BAD: variants seen among roughly 807,000 people sequenced by gnomAD.
BAD encodes the protein bcl2-associated agonist of cell death.
BAD carries 18 observed loss-of-function variants against 17.8 expected under a neutral mutation model. That is an observed-to-expected ratio of 1.01 (90% CI 0.70 to 1.50). The LOEUF (loss-of-function observed/expected upper bound fraction) is 1.50. BAD is among the 40% of genes most tolerant of loss of function. The pLI is 0.00. For missense variants in BAD, 294 were observed against 239.3 expected, an observed-to-expected ratio of 1.23 and a Z score of -1.51; for synonymous variants, 112 against 91.5, an observed-to-expected ratio of 1.22 and a Z score of -1.28.
intron 2 of BAD, chr11:64,277,038 T>C (rs1190695934): frequency 2.8e-6 from 2 of 713,890 alleles, no homozygotes; most frequent in African/African-American, 3.5e-5. Context: ...GAATACGAAG[T>C]TCTCCCTGTT....
chr11:64,272,788 GTGA>G (rs1401234344), intron 2 of BAD: 1 of 152,316 alleles, frequency 6.6e-6, no homozygotes, highest in African/African-American at 2.4e-5. Context: ...CCAGAGTCCA[GTGA>G]TGATCAGCGG....
chr11:64,271,937 C>G lies in BAD; in HGVS notation c.188-134G>C, dbSNP rs1427986865. On this transcript the variant is annotated intron_variant, in intron 2 of 3. Transcript: ENST00000309032. ...CAGGGGCGCATCACAGCCCACCTCT[C>G]AGAGCCCCAGTCCCTTGTATGTGAA... is the stretch of plus-strand genomic sequence containing the variant. 5 of 597,188 alleles carry G rather than the reference C, an allele frequency of 8.4e-6. No individual in the cohort carries two copies. In the East Asian group the frequency reaches 1.4e-4, roughly 17 times the overall value. The allele number at this position is 597,188 out of a possible 1,614,324, so 37.0% of individuals were successfully genotyped here. A position where few individuals can be genotyped will look rare whatever the true frequency, so the allele number is the denominator to read the frequency against.
intron 2 of BAD, among the ~76,000 whole-genome samples, chr11:64,280,358 A>AT (rs1168306795): frequency 3.0e-5 from 4 of 132,326 alleles, no homozygotes; most frequent in African/African-American, 5.5e-5. Flanking sequence ...AATAATAATA[A>AT]TTTTTTTTTT....
Position 64,269,864 on chromosome 11 carries a change from A to G in BAD, c.*345T>C. The G allele has an allele frequency of 1.4e-6, 1 of 697,910 alleles. No homozygotes were observed. The highest frequency in any genetic ancestry group is 2.6e-6 in the Non-Finnish European group (1 of 383,824). 43.2% of individuals were successfully genotyped at this position (697,910 alleles called of 1,614,324 possible). The stretch of plus-strand genomic sequence containing the variant: ...GACGCGGGCTTTATTAACATTTGGT[A>G]GTGAGCACGGCCCCCAGGGCATCGC... On this transcript the variant is annotated 3_prime_UTR_variant, in exon 4 of 4. Transcript: ENST00000309032.
intron 2 of BAD, among the ~76,000 whole-genome samples, chr11:64,282,651 G>C (rs993974678): frequency 1.3e-5 from 2 of 152,110 alleles, no homozygotes; most frequent in Non-Finnish European, 2.9e-5. Context: ...AGGCTGAGGC[G>C]GGTGGATTAC....
chr11:64,272,252 G>C (rs1469218049), intron 2 of BAD, among the ~76,000 whole-genome samples: 1 of 152,032 alleles, frequency 6.6e-6, no homozygotes, highest in African/African-American at 2.4e-5. Flanking sequence ...CCAGGAGGGA[G>C]AGGTCGCAGT....
chr11:64,270,029 TG>T lies in BAD; in HGVS notation c.*179del. 1 of 1,220,850 alleles carries T rather than the reference TG, an allele frequency of 8.2e-7. No individual in the cohort carries two copies. The highest frequency in any genetic ancestry group is 1.2e-6 in the Non-Finnish European group (1 of 869,208). 75.6% of individuals were successfully genotyped at this position (1,220,850 alleles called of 1,614,324 possible). A position where few individuals can be genotyped will look rare whatever the true frequency, so the allele number is the denominator to read the frequency against. On this transcript the variant is annotated 3_prime_UTR_variant, in exon 4 of 4. Coordinates refer to ENST00000309032, the MANE Select transcript of BAD (RefSeq NM_032989.3). ...TGGGCGGAAAACCCAAAACTTCCGA[TG>T]GGACCAAGCCTTCCGTGGCTTCACA...
chr11:64,277,258 C>T (rs1171168029), intron 2 of BAD, among the ~76,000 whole-genome samples: 2 of 152,174 alleles, frequency 1.3e-5, no homozygotes, highest in African/African-American at 4.8e-5. Context: ...GCACAGTGGC[C>T]AGTGCTGCCA....
chr11:64,272,987 A>C (rs758953675), intron 2 of BAD: 2 of 152,230 alleles, frequency 1.3e-5, no homozygotes, highest in African/African-American at 2.4e-5. Context: ...GCACTTTGGG[A>C]GGCTGAGGCA....
chr11:64,275,940 G>T (rs2033025004), intron 2 of BAD, among the ~76,000 whole-genome samples: 1 of 152,096 alleles, frequency 6.6e-6, no homozygotes, highest in African/African-American at 2.4e-5. Context: ...TACAGAGGAA[G>T]AAACTAAGGC....
chr11:64,273,839 G>T (rs559776254), intron 2 of BAD, among the ~76,000 whole-genome samples: 1 of 110,374 alleles, frequency 9.1e-6, no homozygotes, highest in African/African-American at 3.4e-5. Context: ...CCAAGATCAC[G>T]CCACTGCACC....
chr11:64,271,515 G>A (rs188049198), intron 3 of BAD, 98 bp downstream of exon 3: 85 of 1,240,284 alleles, frequency 6.9e-5, no homozygotes, highest in Middle Eastern at 2.7e-4. Flanking sequence ...GGGGTCGTGG[G>A]ACTCCAGATC....
chr11:64,284,079 G>T, intron 2 of BAD, 103 bp downstream of exon 2: 1 of 1,380,508 alleles, frequency 7.2e-7, no homozygotes, highest in East Asian at 2.3e-5. Context: ...AGAGTTTGGG[G>T]ACCGACCCAA....
Position 64,278,824 on chromosome 11 carries a change from G to A in BAD, c.187+5358C>T, listed in dbSNP as rs368689737. 4.6e-5 allele frequency among the ~76,000 whole-genome samples: 7 copies of A among 152,222 alleles called. No individual in the cohort carries two copies. In the East Asian group the frequency reaches 1.2e-3, roughly 25 times the overall value. ...GTGGCAGGGACTATGAGGAGTGACC[G>A]AACCAAGTGTGAGTTGCTCTGCGCA... On this transcript the variant is annotated intron_variant, in intron 2 of 3. Coordinates refer to ENST00000309032, the MANE Select transcript of BAD (RefSeq NM_032989.3).
chr11:64,276,337 T>G (rs1174699643), intron 2 of BAD: 3 of 151,974 alleles, frequency 2.0e-5, no homozygotes, highest in Admixed American at 2.0e-4. Flanking sequence ...TATGTATTTT[T>G]TTTTTTTTAG....
In BAD at chr11:64,270,203, CGAA is replaced by C. The variant is rs1255969582; in HGVS notation, c.*3_*5del. ...ACGGGTGGAGTTTCGGGATGTGGAG[CGAA>C]GGTCACTGGGAGGGGGCGGAGCTTC... is the stretch of plus-strand genomic sequence containing the variant. On this transcript the variant is annotated 3_prime_UTR_variant, in exon 4 of 4. Coordinates refer to ENST00000309032, the MANE Select transcript of BAD (RefSeq NM_032989.3). 6.2e-7 allele frequency: 1 copy of C among 1,613,840 alleles called. No homozygotes were observed. Among genetic ancestry groups the C allele is most frequent in the Admixed American group, 1.7e-5 (1 of 59,986 alleles).
intron 2 of BAD, among the ~76,000 whole-genome samples, chr11:64,272,080 A>T (rs1225453388): frequency 6.6e-6 from 1 of 152,246 alleles, no homozygotes; most frequent in African/African-American, 2.4e-5. Flanking sequence ...AAATAAGGGC[A>T]TAAGAAATAC....
chr11:64,270,628 C>T (rs929113755), intron 3 of BAD: 9 of 647,568 alleles, frequency 1.4e-5, no homozygotes, highest in Non-Finnish European at 2.6e-5. Flanking sequence ...GAAGATGAGA[C>T]CGCAATTCGA....
intron 2 of BAD, among the ~76,000 whole-genome samples, chr11:64,282,957 C>T (rs749731290): frequency 7.3e-5 from 11 of 151,364 alleles, no homozygotes; most frequent in Admixed American, 1.3e-4. Context: ...TTCCCAGTTA[C>T]GTGGGAGGAT....
Sources: gnomAD v4.1 joint callset for allele counts (sites outside exome capture counted in the v4.1 genomes callset) on GRCh38, gnomAD v4.1.1 for gene constraint, MANE v1.5 for transcripts, NCBI Gene and HGNC (gene_info 2026-07-23, HGNC 2026-07-21) for gene names.